The following NGEF variants were observed in gnomAD, a reference collection of about 807,000 sequenced individuals.
The protein encoded by NGEF is neuronal guanine nucleotide exchange factor.
In NGEF, 31 loss-of-function variants were observed where a neutral mutation model predicts 80.9. The ratio of observed to expected loss-of-function variants is 0.38; its 90% CI spans 0.29 to 0.52. NGEF has a LOEUF of 0.52. NGEF is among the 20% of genes least tolerant of loss of function. NGEF has a pLI of 0.84. For missense variants in NGEF, 709 were observed against 926.2 expected, an observed-to-expected ratio of 0.77 and a Z score of 3.04; for synonymous variants, 371 against 370.2, an observed-to-expected ratio of 1.00 and a Z score of -0.03.
At chr2:232,944,608 G>A (rs1276341269) in intron 3 of NGEF, among the ~76,000 whole-genome samples, 1 of 151,056 alleles carries the variant, frequency 6.6e-6, no homozygotes, top group African/African-American at 2.4e-5. Flanking sequence ...AGAAAGGGAA[G>A]CGAAACAATT....
At chr2:232,904,221 G>A (rs1413577509) in intron 5 of NGEF, among the ~76,000 whole-genome samples, 1 of 152,110 alleles carries the variant, frequency 6.6e-6, no homozygotes, top group Non-Finnish European at 1.5e-5. Context: ...ATGAGTGTGT[G>A]TCCCTGCTCC....
chr2:232,885,443 C>CTG, intron 9 of NGEF, 74 bp from the exon 10 acceptor site: 2 of 1,282,908 alleles, frequency 1.6e-6, no homozygotes, highest in Non-Finnish European at 2.3e-6. Flanking sequence ...TCGGTCAGGC[C>CTG]ACAGACAGGG....
intron 5 of NGEF, among the ~76,000 whole-genome samples, chr2:232,902,474 G>A (rs1183796057): frequency 6.6e-6 from 1 of 152,140 alleles, no homozygotes; most frequent in Non-Finnish European, 1.5e-5. Flanking sequence ...GCTAAGGGAC[G>A]AGGGGAGTCA....
Position 232,885,264 on chromosome 2 carries a change from A to C in NGEF, c.1437+16T>G. On this transcript the variant is annotated intron_variant, in intron 10 of 14. Coordinates refer to ENST00000264051, the MANE Select transcript of NGEF (RefSeq NM_019850.3). ...CTGTGCATGGGCACAGGCTCACACC[A>C]ATCCCACCGGTTCACCTTGATCTTG... is the stretch of plus-strand genomic sequence containing the variant. The C allele has an allele frequency of 1.9e-6, 3 of 1,611,928 alleles. No homozygotes were observed. In the South Asian group the frequency reaches 3.3e-5, roughly 18 times the overall value.
chr2:232,906,778 T>G (rs1200825611), intron 5 of NGEF, among the ~76,000 whole-genome samples: 3 of 151,340 alleles, frequency 2.0e-5, no homozygotes, highest in South Asian at 2.1e-4. Flanking sequence ...AATCGGATGG[T>G]TGCGGTGTCT....
In NGEF at chr2:232,888,672, C is replaced by T. The variant is rs550117853; in HGVS notation, c.1273-565G>A. ...CAGTGAGGACTGTCACGCTTAGGGT[C>T]AGCTCTGTCCCCAAGGGGAGCTAAA... is the stretch of plus-strand genomic sequence containing the variant. On this transcript the variant is annotated intron_variant, in intron 8 of 14. Coordinates refer to ENST00000264051, the MANE Select transcript of NGEF (RefSeq NM_019850.3). 2.0e-5 allele frequency among the ~76,000 whole-genome samples: 3 copies of T among 152,268 alleles called. No individual in the cohort carries two copies. The East Asian group carries it at 5.8e-4, about 29-fold the overall frequency.
intron 3 of NGEF, among the ~76,000 whole-genome samples, chr2:232,928,348 C>A (rs887703702): frequency 6.6e-6 from 1 of 151,010 alleles, no homozygotes; most frequent in Non-Finnish European, 1.5e-5. Flanking sequence ...CCCGCGCCGC[C>A]GTGCCCCGAC....
intron 5 of NGEF, chr2:232,901,287 G>A (rs1006121637): frequency 8.3e-6 from 7 of 842,810 alleles, no homozygotes; most frequent in Non-Finnish European, 1.0e-5. Flanking sequence ...TCCTGCCTCC[G>A]CACTCGGATC....
intron 3 of NGEF, among the ~76,000 whole-genome samples, chr2:232,938,169 G>A (rs1361246998): frequency 6.6e-6 from 1 of 152,166 alleles, no homozygotes; most frequent in Non-Finnish European, 1.5e-5. Flanking sequence ...TTCATTTTCT[G>A]AATCAAAAAT....
chr2:232,913,206 T>C (rs918345862), intron 5 of NGEF, among the ~76,000 whole-genome samples: 2 of 152,234 alleles, frequency 1.3e-5, no homozygotes, highest in Admixed American at 1.3e-4. Context: ...TTTCAGTCAC[T>C]TCAAAATATT....
chr2:232,927,783 A>C, intron 3 of NGEF: 1 of 550,360 alleles, frequency 1.8e-6, no homozygotes. Context: ...GGGCCCGCGG[A>C]GGAGGAGTGG....
intron 3 of NGEF, among the ~76,000 whole-genome samples, chr2:232,938,397 G>A (rs147340406): frequency 3.0e-3 from 463 of 152,250 alleles, no homozygotes; most frequent in African/African-American, 0.011. Context: ...CAGATAACTC[G>A]TGGATAAGAT....
chr2:232,948,185 A>AGTGTG (rs1693601225), intron 3 of NGEF, among the ~76,000 whole-genome samples: 2 of 113,640 alleles, frequency 1.8e-5, no homozygotes, highest in Non-Finnish European at 4.0e-5. Flanking sequence ...GTGTGTGTGT[A>AGTGTG]TATAATTATT....
intron 1 of NGEF, among the ~76,000 whole-genome samples, chr2:233,004,523 G>C (rs1213001117): frequency 6.6e-6 from 1 of 152,210 alleles, no homozygotes; most frequent in African/African-American, 2.4e-5. Context: ...CTAGATTCTA[G>C]TGTGGAGTGC....
intron 4 of NGEF, among the ~76,000 whole-genome samples, chr2:232,922,216 AT>A (rs1474819624): frequency 3.9e-5 from 6 of 152,252 alleles, no homozygotes; most frequent in Non-Finnish European, 8.8e-5. Flanking sequence ...TTCCTTCTTT[AT>A]CTAATTGTTA....
chr2:232,907,203 A>AAG (rs10666172), intron 5 of NGEF, among the ~76,000 whole-genome samples: 1 of 149,138 alleles, frequency 6.7e-6, no homozygotes, highest in Non-Finnish European at 1.5e-5. Context: ...AAAAAAAAAA[A>AAG]GGAGGAAAAC....
intron 1 of NGEF, among the ~76,000 whole-genome samples, chr2:233,011,090 G>A (rs1338401071): frequency 6.6e-6 from 1 of 152,124 alleles, no homozygotes; most frequent in Non-Finnish European, 1.5e-5. Flanking sequence ...TTGTTGGGGT[G>A]AGAGGGCTGG....
At chr2:232,926,507 G>C (rs1247548805) in intron 4 of NGEF, among the ~76,000 whole-genome samples, 1 of 152,148 alleles carries the variant, frequency 6.6e-6, no homozygotes, top group Admixed American at 6.5e-5. Context: ...CCTAAGCCAA[G>C]GGCCTCTGGG....
chr2:232,881,069 C>T, intron 14 of NGEF, 77 bp downstream of exon 14: 1 of 1,167,232 alleles, frequency 8.6e-7, no homozygotes, highest in Non-Finnish European at 1.3e-6. Flanking sequence ...GTGGTGGCAT[C>T]TGCTTCTCCC....
Sources: allele counts gnomAD v4.1 joint callset (sites outside exome capture counted in the v4.1 genomes callset), GRCh38; gene constraint gnomAD v4.1.1; transcripts MANE v1.5; gene names NCBI Gene and HGNC (gene_info 2026-07-23, HGNC 2026-07-21).